Variants in CASZ1 observed in about 807,000 individuals in gnomAD.
CASZ1 encodes castor zinc finger 1.
CASZ1 carries 28 observed loss-of-function variants against 135.2 expected under a neutral mutation model. The observed-to-expected ratio is 0.21, with a 90% confidence interval of 0.15 to 0.28. CASZ1 has a LOEUF of 0.28. Ranked by LOEUF, CASZ1 falls within the 10% of genes least tolerant of loss-of-function variation. The pLI, the probability that CASZ1 is intolerant of heterozygous loss-of-function variation, is 1.00. For synonymous variants in CASZ1, 1,068 were observed against 1,073.4 expected (o/e 0.99, Z 0.10); for missense variants, 2,161 against 2,453.3 (o/e 0.88, Z 2.52).
intron 4 of CASZ1, among the ~76,000 whole-genome samples, chr1:10,683,359 C>A (rs1467770011): frequency 2.0e-5 from 3 of 152,120 alleles, no homozygotes; most frequent in Non-Finnish European, 4.4e-5. Context: ...TCAATACAGC[C>A]CCCAGCCTAA....
intron 4 of CASZ1, among the ~76,000 whole-genome samples, chr1:10,680,064 T>A (rs531681306): frequency 5.3e-4 from 80 of 151,710 alleles, no homozygotes; most frequent in African/African-American, 1.8e-3. Context: ...AAGGCTGGGG[T>A]GGGGCAGGCT....
At chr1:10,663,582 T>A (rs867966797) in intron 5 of CASZ1, among the ~76,000 whole-genome samples, 1 of 152,168 alleles carries the variant, frequency 6.6e-6, no homozygotes, top group African/African-American at 2.4e-5. Context: ...TCGCTATATA[T>A]GGCAGAGAAA....
At chr1:10,743,882 C>T (rs1326195532) in intron 2 of CASZ1, among the ~76,000 whole-genome samples, 10 of 81,530 alleles carry the variant, frequency 1.2e-4, no homozygotes, top group Non-Finnish European at 2.3e-4. Flanking sequence ...GAGAGAGGAG[C>T]GGGGAGCATG....
Position 10,697,804 on chromosome 1 carries a change from C to T in CASZ1, c.-23-3892G>A, listed in dbSNP as rs542685879. 1.3e-4 allele frequency among the ~76,000 whole-genome samples: 20 copies of T among 152,370 alleles called. No individual in the cohort carries two copies. In the South Asian group the frequency reaches 4.1e-3, roughly 32 times the overall value. ...ACTGGTTCCATCTGAGGCGACTGGG[C>T]CAGGGCACAGAAGCCTTGGCCAAAG... On this transcript the variant is annotated intron_variant, in intron 3 of 20. Coordinates refer to ENST00000377022, the MANE Select transcript of CASZ1 (RefSeq NM_001079843.3). The surrounding 1 kb of genome is among the most constrained non-coding windows in gnomAD (Gnocchi z 4.7).
At position 10,649,330 on chromosome 1, in the gene CASZ1, C is replaced by A. The variant is rs150917748; in HGVS notation, c.2988G>T (p.Ala996=). ...GCTCTGCCAACTTCTCCTGAACCAG[C>A]GCCTTCACGGCCTTGCCTAGGAAGG... is the stretch of plus-strand genomic sequence containing the variant. The part of the protein sequence containing the change: ...PSPFLGKAVK[A]LVQEKLAEPW... The change falls in exon 14 of 21, where the codon GCG becomes GCT. Residue 996 remains alanine, a synonymous_variant. Coordinates refer to ENST00000377022, the MANE Select transcript of CASZ1 (RefSeq NM_001079843.3). 9.4e-6 allele frequency: 15 copies of A among 1,596,952 alleles called. No individual in the cohort carries two copies. Among genetic ancestry groups the A allele is most frequent in the Non-Finnish European group, 1.3e-5 (15 of 1,171,906 alleles).
chr1:10,653,129 C>A, intron 11 of CASZ1: 1 of 585,086 alleles, frequency 1.7e-6, no homozygotes, highest in Non-Finnish European at 3.1e-6. Flanking sequence ...AGGCAGGGAC[C>A]ATCGCCCCCA....
At position 10,650,925 on chromosome 1, in the gene CASZ1, G is replaced by A. The variant is rs2124678382; in HGVS notation, c.2816+16C>T. 2 of 1,606,726 alleles carry A rather than the reference G, an allele frequency of 1.2e-6. No homozygotes were observed. Among genetic ancestry groups the A allele is most frequent in the Non-Finnish European group, 1.7e-6 (2 of 1,178,188 alleles). On this transcript the variant is annotated intron_variant, in intron 12 of 20. Transcript: ENST00000377022. ...GTGGTTCCCGGGGCTGGCTCCCATA[G>A]GGGGCCTCGCCTCACCTGGGCTCCT...
Position 10,639,500 on chromosome 1 carries a change from G to A in CASZ1, c.4722C>T (p.Thr1574=). ...YKLKCSHFHC[T]FPGCRHTVVG... is the part of the protein sequence containing the mutation. ...CCACCGTGTGGCGGCAGCCCGGGAA[G>A]GTGCAGTGGAAGTGCGAGCACTTGA... The change falls in exon 21 of 21, where the codon ACC becomes ACT. Residue 1574 remains threonine (T), a synonymous_variant. Coordinates refer to ENST00000377022, the MANE Select transcript of CASZ1 (RefSeq NM_001079843.3). The surrounding 1 kb of genome is among the most constrained non-coding windows in gnomAD (Gnocchi z 4.0). 1.2e-6 allele frequency: 2 copies of A among 1,611,542 alleles called. No homozygotes were observed. Among genetic ancestry groups the A allele is most frequent in the Non-Finnish European group, 1.7e-6 (2 of 1,179,442 alleles).
At chr1:10,644,759 G>A (rs1251055438) in intron 18 of CASZ1, among the ~76,000 whole-genome samples, 158 bp downstream of exon 18, 1 of 152,194 alleles carries the variant, frequency 6.6e-6, no homozygotes, top group Non-Finnish European at 1.5e-5. Flanking sequence ...TCACAAGCTT[G>A]ACAGTGCCTA....
chr1:10,775,704 T>G (rs144681543), intron 1 of CASZ1, among the ~76,000 whole-genome samples: 131 of 152,278 alleles, frequency 8.6e-4, no homozygotes, highest in Admixed American at 4.0e-3. Context: ...GTAGGGTTGC[T>G]CAGTTACCCT....
In CASZ1 at chr1:10,659,564, C is replaced by T. The variant is rs141932325; in HGVS notation, c.1340+138G>A. 3.0e-3 allele frequency: 2,003 copies of T among 676,494 alleles called. 14 individuals carry two copies. Among genetic ancestry groups the T allele is most frequent in the South Asian group, 0.015 (839 of 55,030 alleles). The allele number at this position is 676,494 out of a possible 1,614,324, so 41.9% of individuals were successfully genotyped here. A position where few individuals can be genotyped will look rare whatever the true frequency, so the allele number is the denominator to read the frequency against. On this transcript the variant is annotated intron_variant, in intron 6 of 20. Coordinates refer to ENST00000377022, the MANE Select transcript of CASZ1 (RefSeq NM_001079843.3). ...ATGGATGGGAGCCTGAGTGTGCACG[C>T]GCCTGGATGCACAGTGGATGTGTAT...
chr1:10,713,314 T>C (rs1168122042), intron 2 of CASZ1, among the ~76,000 whole-genome samples: 2 of 152,224 alleles, frequency 1.3e-5, no homozygotes, highest in Non-Finnish European at 2.9e-5. Context: ...TTGTTACTTA[T>C]TTATTTAATT....
rs1382419462 is a variant in CASZ1, at chr1:10,638,842, C to G, written c.*100G>C. The G allele has an allele frequency of 2.3e-5, 22 of 968,066 alleles. No homozygotes were observed. Among genetic ancestry groups the G allele is most frequent in the Non-Finnish European group, 2.6e-5 (21 of 815,050 alleles). The allele number at this position is 968,066 out of a possible 1,614,324, so 60.0% of individuals were successfully genotyped here. A position where few individuals can be genotyped will look rare whatever the true frequency, so the allele number is the denominator to read the frequency against. On this transcript the variant is annotated 3_prime_UTR_variant, in exon 21 of 21. Transcript: ENST00000377022. This position sits in a 1 kb window ranked among gnomAD's most constrained non-coding sequence, Gnocchi z 5.9. ...AGACGGACTCGGGGTCCGGAAGCAC[C>G]GGCGGGGCGCGGGGCTCTGCCCAGG...
chr1:10,769,050 G>T (rs1640528607), intron 1 of CASZ1, among the ~76,000 whole-genome samples: 2 of 152,230 alleles, frequency 1.3e-5, no homozygotes, highest in African/African-American at 4.8e-5. Flanking sequence ...TGAGGCAGGA[G>T]AATCACTTGA....
chr1:10,702,962 C>CAGAGAGAGAGAG (rs142859359), intron 3 of CASZ1, among the ~76,000 whole-genome samples: 148 of 142,870 alleles, frequency 1.0e-3, no homozygotes, highest in Middle Eastern at 3.5e-3. Context: ...GAGGGAGAGG[C>CAGAGAGAGAGAG]AGAGAGAGAG....
chr1:10,795,782 A>G (rs552699099), intron 1 of CASZ1, among the ~76,000 whole-genome samples: 11 of 151,964 alleles, frequency 7.2e-5, no homozygotes, highest in African/African-American at 2.7e-4. Flanking sequence ...TAAACTTCCC[A>G]GGCACAGATG....
At chr1:10,783,261 GTGTGTGTGTGTGTGTGTA>G (rs1288559640) in intron 1 of CASZ1, among the ~76,000 whole-genome samples, 1 of 151,356 alleles carries the variant, frequency 6.6e-6, no homozygotes, top group East Asian at 2.0e-4. Context: ...GTGTGTGTGT[GTGTGTGTGTGTGTGTGTA>G]TGTGTGTGTA....
Position 10,720,942 on chromosome 1 carries a change from C to T in CASZ1, c.-76-15398G>A, listed in dbSNP as rs549481909. Among the ~76,000 whole-genome samples, 11 of 152,252 alleles carry T rather than the reference C, an allele frequency of 7.2e-5. No individual in the cohort carries two copies. The East Asian group carries it at 9.7e-4, about 13-fold the overall frequency. On this transcript the variant is annotated intron_variant, in intron 2 of 20. Transcript: ENST00000377022. This position sits in a 1 kb window ranked among gnomAD's most constrained non-coding sequence, Gnocchi z 5.7. ...ACCTCATGCCCTGCCTACCACCCAC[C>T]GTCCCAGGGAAGTTCACCCTGCTCA...
At chr1:10,763,403 C>T (rs1262522716) in intron 1 of CASZ1, among the ~76,000 whole-genome samples, 1 of 152,178 alleles carries the variant, frequency 6.6e-6, no homozygotes, top group Admixed American at 6.5e-5. Context: ...CCCTCACCAG[C>T]CAGACGGAGA....
Sources: gnomAD v4.1 joint callset for allele counts (sites outside exome capture counted in the v4.1 genomes callset) on GRCh38, gnomAD v4.1.1 for gene constraint, Gnocchi (gnomAD v3.1) non-coding constraint, MANE v1.5 for transcripts, NCBI Gene and HGNC (gene_info 2026-07-23, HGNC 2026-07-21) for gene names.